The following DIAPH1 variants were observed in gnomAD, a reference collection of about 807,000 sequenced individuals.
The protein encoded by DIAPH1 is protein diaphanous homolog 1.
A neutral mutation model predicts 140.7 loss-of-function variants in DIAPH1; 46 were observed. The ratio of observed to expected loss-of-function variants is 0.33; its 90% CI spans 0.26 to 0.42. The LOEUF is 0.42. DIAPH1 is among the 10% of genes least tolerant of loss of function. DIAPH1 has a pLI of 1.00. For synonymous variants in DIAPH1, 565 were observed against 551.6 expected (o/e 1.02, Z -0.34); for missense variants, 1,310 against 1,558.7 (o/e 0.84, Z 2.69).
intron 18 of DIAPH1, among the ~76,000 whole-genome samples, chr5:141,559,381 C>A (rs1440425289): frequency 6.6e-6 from 1 of 152,162 alleles, no homozygotes; most frequent in East Asian, 1.9e-4. Flanking sequence ...CCAAAATATA[C>A]AACTATCTGC....
rs1243204186 is a variant in DIAPH1, at chr5:141,574,974, G to A, written c.1634C>T (p.Thr545Ile). The change falls in exon 15 of 28, where the codon ACA (threonine) becomes ATA (isoleucine). Residue 545 changes from threonine (T) to isoleucine (I), a missense_variant. By Grantham distance (89) the Thr-to-Ile change is moderately conservative (BLOSUM62 -1). Coordinates refer to ENST00000389054, the MANE Select transcript of DIAPH1 (RefSeq NM_005219.5). ...TCCCTGCTCAGGCATTACCTCTCCTGTGAGCTGGGACACCTCTGCTTCCAG... is the reference window on the plus strand; with the variant it reads ...TCCCTGCTCAGGCATTACCTCTCCTATGAGCTGGGACACCTCTGCTTCCAG... Reference protein sequence around the residue: ...QDLEAEVSQLTGEVAKLTKEL... With the variant: ...QDLEAEVSQLIGEVAKLTKEL... The A allele has an allele frequency of 1.2e-6, 2 of 1,614,146 alleles. No individual in the cohort carries two copies. The highest frequency in any genetic ancestry group is 2.2e-5 in the South Asian group (2 of 91,080).
At chr5:141,551,091 C>T (rs1159340281) in intron 18 of DIAPH1, among the ~76,000 whole-genome samples, 1 of 152,152 alleles carries the variant, frequency 6.6e-6, no homozygotes, top group Non-Finnish European at 1.5e-5. Context: ...GATTAAATAA[C>T]AGTATTGCAC....
rs2099885733 is a variant in DIAPH1 at position 141,516,693 on chromosome 5, T to C, written c.*158A>G. The C allele has an allele frequency of 3.7e-6, 3 of 800,410 alleles. No homozygotes were observed. The highest frequency in any genetic ancestry group is 3.1e-5 in the South Asian group (2 of 65,014). 49.6% of individuals were successfully genotyped at this position (800,410 alleles called of 1,614,324 possible). ...TGGCCTCCAGGCAGCTGAAGCTGTA[T>C]GTGATGTTGAGAGAGCAGCAGGCCA... On this transcript the variant is annotated 3_prime_UTR_variant, in exon 28 of 28. Transcript: ENST00000389054.
intron 1 of DIAPH1, among the ~76,000 whole-genome samples, chr5:141,618,232 T>C (rs1338913038): frequency 6.6e-6 from 1 of 150,820 alleles, no homozygotes; most frequent in Non-Finnish European, 1.5e-5. Context: ...AAAGAAGGAG[T>C]TGGGGGTAGG....
At position 141,583,311 on chromosome 5, in the gene DIAPH1, G is replaced by C. The variant is rs1306625984; in HGVS notation, c.534-19C>G. The C allele has an allele frequency of 6.2e-7, 1 of 1,612,664 alleles. No homozygotes were observed. Among genetic ancestry groups the C allele is most frequent in the South Asian group, 1.1e-5 (1 of 91,068 alleles). On this transcript the variant is annotated intron_variant, in intron 5 of 27. Transcript: ENST00000389054. Reference sequence around the variant, plus strand: ...CACCCAACTGTAAGGAACAGAGAGAGGCAATGCAATATCAAACCAATAAAT... The same window carrying C: ...CACCCAACTGTAAGGAACAGAGAGACGCAATGCAATATCAAACCAATAAAT...
chr5:141,574,876 C>G, intron 15 of DIAPH1, 91 bp downstream of exon 15: 1 of 1,414,946 alleles, frequency 7.1e-7, no homozygotes, highest in Non-Finnish European at 1.0e-6. Flanking sequence ...AGTAGCTGAA[C>G]CCTCCCTAGG....
At chr5:141,577,713 G>C (rs1328205645) in intron 11 of DIAPH1, 122 bp from the exon 12 acceptor site, 1 of 735,314 alleles carries the variant, frequency 1.4e-6, no homozygotes, top group Non-Finnish European at 2.5e-6. Flanking sequence ...TCTACTGGCT[G>C]TTCTTCCTGT....
At chr5:141,582,420 C>A in intron 6 of DIAPH1, 45 bp from the exon 7 acceptor site, 6 of 1,388,082 alleles carry the variant, frequency 4.3e-6, no homozygotes, top group Non-Finnish European at 6.2e-6. Context: ...TATTCTCTAC[C>A]CCTTTCCCAT....
chr5:141,527,605 C>G lies in DIAPH1; in HGVS notation c.3241G>C (p.Asp1081His). 6.2e-7 allele frequency: 1 copy of G among 1,603,574 alleles called. No homozygotes were observed. Among genetic ancestry groups the G allele is most frequent in the South Asian group, 1.1e-5 (1 of 90,852 alleles). ...RDVQNFPAAT[D>H]EKDKFVEKMT... Reference sequence around the variant, plus strand: ...TTTTCAACAAACTTGTCTTTTTCATCTGTGGCAGCTGGGAAATTCTGAACA... The same window carrying G: ...TTTTCAACAAACTTGTCTTTTTCATGTGTGGCAGCTGGGAAATTCTGAACA... The change falls in exon 24 of 28, where the codon GAT becomes CAT. Residue 1081 changes from aspartate (D) to histidine (H), a missense_variant. By Grantham distance (81) the Asp-to-His change is moderately conservative. Around this residue, in one of 3 missense-constraint regions of DIAPH1, gnomAD observed 344 missense variants for 512.2 expected, o/e 0.67. Coordinates refer to ENST00000389054, the MANE Select transcript of DIAPH1 (RefSeq NM_005219.5).
chr5:141,533,901 C>G (rs1168496424), intron 19 of DIAPH1, among the ~76,000 whole-genome samples: 1 of 151,912 alleles, frequency 6.6e-6, no homozygotes, highest in Non-Finnish European at 1.5e-5. Context: ...CATGGTGGTG[C>G]ACACCTGTAG....
chr5:141,552,443 A>G (rs1482787655), intron 18 of DIAPH1, among the ~76,000 whole-genome samples: 1 of 152,216 alleles, frequency 6.6e-6, no homozygotes, highest in African/African-American at 2.4e-5. Flanking sequence ...AGAGATTTGA[A>G]GATGCTATGC....
chr5:141,596,483 AAAAT>A (rs550056548), intron 1 of DIAPH1, among the ~76,000 whole-genome samples: 314 of 152,170 alleles, frequency 2.1e-3, no homozygotes, highest in African/African-American at 7.3e-3. Flanking sequence ...AGACAATCTC[AAAAT>A]AAATAAATAA....
At position 141,534,365 on chromosome 5, in the gene DIAPH1, C is replaced by A. The variant is rs1322283707; in HGVS notation, c.2551G>T (p.Val851Leu). ...VQKKKVKELK[V>L]LDSKTAQNLS... ...TTCTGGGCTGTCTTTGAATCCAACA[C>A]CTTTAACTCTTTTACTTTTTTCTTT... Residue 851 changes from valine (V) to leucine (L), a missense_variant, in exon 19 of 28, where the codon GTG (valine) becomes TTG (leucine). This residue lies in a region of DIAPH1 where 589 missense variants were observed against 549.3 expected (regional missense o/e 1.07). Transcript: ENST00000389054. The A allele has an allele frequency of 1.2e-6, 2 of 1,613,826 alleles. No homozygotes were observed. Among genetic ancestry groups the A allele is most frequent in the East Asian group, 2.2e-5 (1 of 44,874 alleles).
intron 26 of DIAPH1, among the ~76,000 whole-genome samples, chr5:141,525,082 G>T (rs971615504): frequency 6.6e-6 from 1 of 152,146 alleles, no homozygotes; most frequent in African/African-American, 2.4e-5. Flanking sequence ...GACAAACCCT[G>T]GAGTCCCAGG....
At chr5:141,596,491 TA>T (rs1026705449) in intron 1 of DIAPH1, among the ~76,000 whole-genome samples, 2 of 151,786 alleles carry the variant, frequency 1.3e-5, no homozygotes, top group African/African-American at 2.4e-5. Context: ...TCAAAATAAA[TA>T]AATAAATAAA....
chr5:141,592,224 C>T (rs72792320), intron 1 of DIAPH1, among the ~76,000 whole-genome samples: 3,475 of 152,146 alleles, frequency 0.023, 54 homozygotes, highest in East Asian at 0.046. Context: ...GCAGCAACAA[C>T]CAGCAAAGTG....
chr5:141,592,176 G>GA (rs1310946552), intron 1 of DIAPH1, among the ~76,000 whole-genome samples: 2 of 151,804 alleles, frequency 1.3e-5, no homozygotes, highest in East Asian at 1.9e-4. Context: ...ATCCACGAGG[G>GA]AAAAAAAGCT....
intron 26 of DIAPH1, chr5:141,524,614 T>G: frequency 3.0e-6 from 1 of 330,218 alleles, no homozygotes; most frequent in Non-Finnish European, 5.9e-6. Flanking sequence ...CCTAAAGTGT[T>G]TTGCCTGGTT....
intron 19 of DIAPH1, 77 bp downstream of exon 19, chr5:141,534,258 C>G: frequency 8.8e-7 from 1 of 1,131,988 alleles, no homozygotes; most frequent in South Asian, 1.2e-5. Flanking sequence ...TATCAAGGGA[C>G]CATAGATTCA....
Sources: gnomAD v4.1 joint callset for allele counts (sites outside exome capture counted in the v4.1 genomes callset) on GRCh38, gnomAD v4.1.1 for gene constraint, gnomAD v4.1.1 regional missense constraint, MANE v1.5 for transcripts, NCBI Gene and HGNC (gene_info 2026-07-23, HGNC 2026-07-21) for gene names.